TK1: variants seen among roughly 807,000 people sequenced by gnomAD.
The protein encoded by TK1 is thymidine kinase, cytosolic.
A neutral mutation model predicts 22.4 loss-of-function variants in TK1; 13 were observed. That is an observed-to-expected ratio of 0.58 (90% CI 0.38 to 0.92). The LOEUF is 0.92. TK1 is among the 40% of genes least tolerant of loss of function. TK1 has a pLI of 0.00. For missense variants in TK1, 251 were observed against 315.7 expected (o/e 0.80, Z 1.55); for synonymous variants, 134 against 125.4 (o/e 1.07, Z -0.46).
At chr17:78,177,007 G>A (rs1273250226) in intron 4 of TK1, among the ~76,000 whole-genome samples, 10 of 152,142 alleles carry the variant, frequency 6.6e-5, no homozygotes, top group Non-Finnish European at 1.0e-4. Flanking sequence ...CTGCATCAGG[G>A]TTTCAGGATG....
intron 3 of TK1, 78 bp downstream of exon 3, chr17:78,184,977 C>A: frequency 9.3e-7 from 1 of 1,076,146 alleles, no homozygotes. Context: ...TAACCATCCC[C>A]ATTAAAGAGA....
chr17:78,183,463 C>T (rs987677645), intron 3 of TK1, among the ~76,000 whole-genome samples: 4 of 152,132 alleles, frequency 2.6e-5, no homozygotes, highest in East Asian at 3.9e-4. Context: ...GAGGCCAAGA[C>T]GGGAGGATCA....
rs777054101 is a variant in TK1 at position 78,174,473 on chromosome 17, C to T, written c.*286G>A. On this transcript the variant is annotated 3_prime_UTR_variant, in exon 7 of 7. Coordinates refer to ENST00000301634, the MANE Select transcript of TK1 (RefSeq NM_003258.5). ...CAACAGCGTGGGGCTCTGTCCCTCACCCCAAGGAGAGGGAGTGTGCCAGAT... is the reference window on the plus strand; with the variant it reads ...CAACAGCGTGGGGCTCTGTCCCTCATCCCAAGGAGAGGGAGTGTGCCAGAT... 27 of 467,372 alleles carry T rather than the reference C, an allele frequency of 5.8e-5. No homozygotes were observed. Among genetic ancestry groups the T allele is most frequent in the Non-Finnish European group, 9.6e-5 (25 of 260,538 alleles). 29.0% of individuals were successfully genotyped at this position (467,372 alleles called of 1,614,324 possible).
At chr17:78,176,155 CG>C (rs1232614477) in intron 4 of TK1, among the ~76,000 whole-genome samples, 1 of 152,114 alleles carries the variant, frequency 6.6e-6, no homozygotes, top group Non-Finnish European at 1.5e-5. Flanking sequence ...TGAGAAGGGG[CG>C]GGGGTCCTAC....
chr17:78,178,211 T>C (rs1324865160), intron 4 of TK1, among the ~76,000 whole-genome samples: 2 of 152,024 alleles, frequency 1.3e-5, no homozygotes, highest in Non-Finnish European at 2.9e-5. Flanking sequence ...CTCCTACTAT[T>C]GCCAAGCGAC....
Position 78,174,861 on chromosome 17 carries a change from G to T in TK1, c.603C>A (p.Asp201Glu), listed in dbSNP as rs373667140. ...CTGGCACTGGGCAGTTCTCTTTGTTGTCCGGCCCGGCAGGCTGGCCTGAGG... is the reference window on the plus strand; with the variant it reads ...CTGGCACTGGGCAGTTCTCTTTGTTTTCCGGCCCGGCAGGCTGGCCTGAGG... ...KKASGQPAGPDNKENCPVPGK... is the reference protein window; with the variant it reads ...KKASGQPAGPENKENCPVPGK... Residue 201 changes from aspartate (D) to glutamate (E), a missense_variant, in exon 7 of 7, where the codon GAC (aspartate) becomes GAA (glutamate). Physicochemically the swap from Asp to Glu is conservative, Grantham distance 45 (BLOSUM62 2). Coordinates refer to ENST00000301634, the MANE Select transcript of TK1 (RefSeq NM_003258.5). 7 of 1,613,722 alleles carry T rather than the reference G, an allele frequency of 4.3e-6. No individual in the cohort carries two copies. The highest frequency in any genetic ancestry group is 1.3e-5 in the African/African-American group (1 of 74,944).
At chr17:78,181,705 A>T (rs950510524) in intron 4 of TK1, among the ~76,000 whole-genome samples, 1 of 151,962 alleles carries the variant, frequency 6.6e-6, no homozygotes, top group Non-Finnish European at 1.5e-5. Context: ...AAGAAAATAA[A>T]CGTATAAGAA....
At chr17:78,174,982 C>A in intron 6 of TK1, 32 bp from the exon 7 acceptor site, 1 of 1,610,472 alleles carries the variant, frequency 6.2e-7, no homozygotes, top group Non-Finnish European at 8.5e-7. Context: ...GGGTGAAGGG[C>A]CAGGACAGGA....
In TK1 at chr17:78,186,952, T is replaced by C. The variant is rs754107856; in HGVS notation, c.43A>G (p.Ser15Gly). 26 of 1,574,158 alleles carry C rather than the reference T, an allele frequency of 1.7e-5. No homozygotes were observed. The highest frequency in any genetic ancestry group is 2.2e-5 in the Non-Finnish European group (26 of 1,160,220). Residue 15 changes from serine (S) to glycine (G), a missense_variant, in exon 1 of 7, where the codon AGC becomes GGC. Transcript: ENST00000301634. The stretch of plus-strand genomic sequence containing the variant: ...ACCTGGATCTGCCCCCGGGTCTTGC[T>C]GGGGGAGCCAGGCAGCACAGTGGGC... ...NLPTVLPGSP[S>G]KTRGQIQVIL...
At position 78,174,437 on chromosome 17, in the gene TK1, C is replaced by T. The variant is rs113400709; in HGVS notation, c.*322G>A. On this transcript the variant is annotated 3_prime_UTR_variant, in exon 7 of 7. Transcript: ENST00000301634. ...AGTGAAAGCCGCAGAGGGGAAGAAG[C>T]AGGCTGATGTCAACAGCGTGGGGCT... 9 of 330,572 alleles carry T rather than the reference C, an allele frequency of 2.7e-5. No homozygotes were observed. The highest frequency in any genetic ancestry group is 1.4e-4 in the Admixed American group (3 of 21,600). The allele number at this position is 330,572 out of a possible 1,614,324, so 20.5% of individuals were successfully genotyped here.
At chr17:78,176,856 A>C (rs2075704010) in intron 4 of TK1, among the ~76,000 whole-genome samples, 1 of 149,110 alleles carries the variant, frequency 6.7e-6, no homozygotes, top group African/African-American at 2.5e-5. Context: ...CACACCTCCC[A>C]CCCCCCAGCT....
intron 4 of TK1, among the ~76,000 whole-genome samples, chr17:78,181,707 G>A (rs560403277): frequency 2.6e-5 from 4 of 151,898 alleles, no homozygotes; most frequent in East Asian, 1.9e-4. Context: ...GAAAATAAAC[G>A]TATAAGAAAC....
chr17:78,177,730 C>T (rs1440003544), intron 4 of TK1, among the ~76,000 whole-genome samples: 2 of 152,098 alleles, frequency 1.3e-5, no homozygotes, highest in Non-Finnish European at 1.5e-5. Flanking sequence ...CCCGCCACCA[C>T]GCCTGGCTAA....
chr17:78,177,913 C>T (rs1052475797), intron 4 of TK1, among the ~76,000 whole-genome samples: 2 of 152,128 alleles, frequency 1.3e-5, no homozygotes, highest in Non-Finnish European at 2.9e-5. Flanking sequence ...CTCTGTCATC[C>T]AGGCTGGAGT....
At chr17:78,181,565 A>G (rs2075737955) in intron 4 of TK1, among the ~76,000 whole-genome samples, 7 of 151,432 alleles carry the variant, frequency 4.6e-5, no homozygotes, top group Admixed American at 3.3e-4. Flanking sequence ...CCAAACCCAC[A>G]CAAGATCAAC....
chr17:78,182,314 T>C (rs2075743087), intron 4 of TK1, among the ~76,000 whole-genome samples: 1 of 148,798 alleles, frequency 6.7e-6, no homozygotes, highest in Non-Finnish European at 1.5e-5. Context: ...AAGCAAAGTT[T>C]GCGGTGAGAT....
chr17:78,178,953 A>T (rs2075720177), intron 4 of TK1, among the ~76,000 whole-genome samples: 1 of 152,150 alleles, frequency 6.6e-6, no homozygotes, highest in Non-Finnish European at 1.5e-5. Flanking sequence ...TCACTGAATG[A>T]ACTCAAGTTT....
upstream of TK1, chr17:78,187,122 G>T: frequency 9.0e-7 from 1 of 1,112,568 alleles, no homozygotes; most frequent in Non-Finnish European, 1.3e-6. Flanking sequence ...CGCCGCCATG[G>T]GGCCAATCAG....
chr17:78,185,862 T>C (rs1348217450), intron 2 of TK1, among the ~76,000 whole-genome samples: 2 of 152,240 alleles, frequency 1.3e-5, no homozygotes, highest in Middle Eastern at 3.4e-3. Flanking sequence ...CAGAAAGTCT[T>C]TGTGTGCAGC....
Sources: allele counts gnomAD v4.1 joint callset (sites outside exome capture counted in the v4.1 genomes callset), GRCh38; gene constraint gnomAD v4.1.1; transcripts MANE v1.5; gene names NCBI Gene and HGNC (gene_info 2026-07-23, HGNC 2026-07-21).